Variants in IL5RA observed in about 807,000 individuals in gnomAD.
The protein encoded by IL5RA is interleukin 5 receptor subunit alpha.
In IL5RA, 49 loss-of-function variants were observed where a neutral mutation model predicts 50.0. The observed-to-expected ratio is 0.98, with a 90% confidence interval of 0.78 to 1.24. IL5RA has a LOEUF of 1.24. IL5RA is among the 50% of genes most tolerant of loss of function. The pLI, the probability that IL5RA is intolerant of heterozygous loss-of-function variation, is 0.00. For missense variants in IL5RA, 600 were observed against 500.4 expected (o/e 1.20, Z -1.90); for synonymous variants, 202 against 174.0 (o/e 1.16, Z -1.26).
intron 7 of IL5RA, among the ~76,000 whole-genome samples, chr3:3,096,613 G>A (rs1179170564): frequency 6.6e-6 from 1 of 152,108 alleles, no homozygotes; most frequent in Admixed American, 6.5e-5. Flanking sequence ...ATGAATTCCT[G>A]TGGTCTGTAC....
At chr3:3,076,749 G>C in intron 9 of IL5RA, 122 bp from the exon 10 acceptor site, 1 of 583,918 alleles carries the variant, frequency 1.7e-6, no homozygotes, top group Non-Finnish European at 3.1e-6. Context: ...GCTGGGTGGT[G>C]TTGGGCAAGT....
chr3:3,074,228 T>C (rs1471636156), intron 11 of IL5RA, among the ~76,000 whole-genome samples: 3 of 152,236 alleles, frequency 2.0e-5, no homozygotes, highest in Non-Finnish European at 4.4e-5. Context: ...GAAAATTCTC[T>C]ATTAACTAAG....
rs1056737670 is a variant in IL5RA, at chr3:3,106,146, G to C, written c.-3-1159C>G. Among the ~76,000 whole-genome samples the C allele has an allele frequency of 3.3e-5, 5 of 152,152 alleles. No individual in the cohort carries two copies. In the East Asian group the frequency reaches 5.8e-4, roughly 18 times the overall value. ...AACAGCTGTTAAGTAATGGAGCCTA[G>C]ACCCAATCTCTGATCTTCCAATGGC... On this transcript the variant is annotated intron_variant, in intron 2 of 11. Coordinates refer to ENST00000446632, the MANE Select transcript of IL5RA (RefSeq NM_175726.4).
intron 8 of IL5RA, among the ~76,000 whole-genome samples, chr3:3,093,691 CTG>C (rs757257471): frequency 5.8e-4 from 89 of 152,338 alleles, no homozygotes; most frequent in Non-Finnish European, 1.1e-3. Flanking sequence ...AGAGCAGGCT[CTG>C]TGCCCACACC....
chr3:3,100,899 C>A (rs1304994090), intron 5 of IL5RA, among the ~76,000 whole-genome samples: 1 of 151,792 alleles, frequency 6.6e-6, no homozygotes, highest in African/African-American at 2.4e-5. Context: ...GTAACCCCAG[C>A]ACTTTGGGAG....
chr3:3,101,013 T>TAATAAC (rs1343602548), intron 5 of IL5RA, among the ~76,000 whole-genome samples: 22 of 125,338 alleles, frequency 1.8e-4, no homozygotes, highest in African/African-American at 6.1e-4. Context: ...ATAATAATAA[T>TAATAAC]AATAATAATA....
intron 11 of IL5RA, chr3:3,073,805 T>G (rs754123543): frequency 6.6e-5 from 30 of 451,888 alleles, no homozygotes; most frequent in South Asian, 4.6e-4. Flanking sequence ...GAATCTAAGA[T>G]GTATATGAAA....
chr3:3,093,115 G>C (rs984114830), intron 8 of IL5RA, among the ~76,000 whole-genome samples: 18 of 152,036 alleles, frequency 1.2e-4, no homozygotes, highest in Admixed American at 1.0e-3. Context: ...CAGAGTCATG[G>C]TTTTTAAAAA....
chr3:3,093,150 CA>C (rs1317728611), intron 8 of IL5RA, among the ~76,000 whole-genome samples: 2 of 152,106 alleles, frequency 1.3e-5, no homozygotes, highest in African/African-American at 4.8e-5. Flanking sequence ...TATTTTTTAG[CA>C]AAATCTTATA....
intron 1 of IL5RA, among the ~76,000 whole-genome samples, 184 bp from the exon 2 acceptor site, chr3:3,108,875 T>A (rs1052716759): frequency 6.6e-6 from 1 of 152,236 alleles, no homozygotes; most frequent in Non-Finnish European, 1.5e-5. Context: ...ACAAATGAGG[T>A]GATTTAACTT....
intron 7 of IL5RA, among the ~76,000 whole-genome samples, chr3:3,096,949 A>C (rs994882228): frequency 5.9e-5 from 9 of 152,200 alleles, no homozygotes; most frequent in Admixed American, 1.3e-4. Context: ...ATTCCTCTCC[A>C]TTGTTTCAGA....
rs1702206581 is a variant in IL5RA, at chr3:3,068,781, T to G, written c.*1444A>C. ...TGGGGTCACTTTTACCTGAGCCTGG[T>G]ATTCAACTCCTCACTATGCCATTTC... On this transcript the variant is annotated 3_prime_UTR_variant, in exon 12 of 12. Coordinates refer to ENST00000446632, the MANE Select transcript of IL5RA (RefSeq NM_175726.4). The G allele has an allele frequency of 6.6e-6, 1 of 152,114 alleles. No individual in the cohort carries two copies. Among genetic ancestry groups the G allele is most frequent in the Non-Finnish European group, 1.5e-5 (1 of 68,084 alleles). 9.4% of individuals were successfully genotyped at this position (152,114 alleles called of 1,614,324 possible).
At position 3,095,279 on chromosome 3, in the gene IL5RA, G is replaced by A. The variant is rs1703304488; in HGVS notation, c.855+20C>T. 3 of 1,535,520 alleles carry A rather than the reference G, an allele frequency of 2.0e-6. No individual in the cohort carries two copies. Among genetic ancestry groups the A allele is most frequent in the Non-Finnish European group, 2.7e-6 (3 of 1,122,774 alleles). ...AAACAAATGTCTGTTATCAAATATT[G>A]GAATAATCTGAGTAATTACCTGCAA... On this transcript the variant is annotated intron_variant, in intron 8 of 11. Transcript: ENST00000446632.
At chr3:3,102,969 CG>C in intron 3 of IL5RA, 149 bp from the exon 4 acceptor site, 1 of 551,094 alleles carries the variant, frequency 1.8e-6, no homozygotes, top group Non-Finnish European at 3.1e-6. Context: ...CCTGTAACAC[CG>C]GGGCAAAGAG....
At chr3:3,070,443 A>G (rs1702260573) in intron 11 of IL5RA, 132 bp from the exon 12 acceptor site, 1 of 620,276 alleles carries the variant, frequency 1.6e-6, no homozygotes. Context: ...GATGTGAAAA[A>G]TAAAGTGGGA....
intron 5 of IL5RA, among the ~76,000 whole-genome samples, chr3:3,098,905 G>A (rs758781471): frequency 9.9e-5 from 15 of 152,102 alleles, no homozygotes; most frequent in Admixed American, 2.0e-4. Flanking sequence ...GTTGATGTCC[G>A]GCAACTTTGG....
chr3:3,073,928 A>G (rs1702386674), intron 11 of IL5RA: 1 of 318,178 alleles, frequency 3.1e-6, no homozygotes, highest in Non-Finnish European at 6.1e-6. Flanking sequence ...ACAGTATTGT[A>G]TTGGCATAAA....
In IL5RA at chr3:3,067,838, C is replaced by G. The variant is rs1302861533; in HGVS notation, c.*2387G>C. ...ATGGCTGCTGAGTGGAGGGAGGAGT[C>G]TGAAGTGGGCACCACACCAAGCACT... On this transcript the variant is annotated 3_prime_UTR_variant, in exon 12 of 12. Transcript: ENST00000446632. The G allele has an allele frequency of 2.0e-5, 3 of 152,306 alleles. No individual in the cohort carries two copies. Among genetic ancestry groups the G allele is most frequent in the Admixed American group, 6.5e-5 (1 of 15,286 alleles). 9.4% of individuals were successfully genotyped at this position (152,306 alleles called of 1,614,324 possible).
chr3:3,068,609 CA>C lies in IL5RA; in HGVS notation c.*1615del, dbSNP rs1297513765. 1.8e-5 allele frequency: 1 copy of C among 55,428 alleles called. No homozygotes were observed. Among genetic ancestry groups the C allele is most frequent in the African/African-American group, 5.2e-5 (1 of 19,318 alleles). 3.4% of individuals were successfully genotyped at this position (55,428 alleles called of 1,614,324 possible). A position where few individuals can be genotyped will look rare whatever the true frequency, so the allele number is the denominator to read the frequency against. On this transcript the variant is annotated 3_prime_UTR_variant, in exon 12 of 12. Coordinates refer to ENST00000446632, the MANE Select transcript of IL5RA (RefSeq NM_175726.4). ...CCACAAAAAAAAAAAAAAAAAAAAA[CA>C]AAAACAGGTTTGAGATTATGAATCA...
Sources: allele counts gnomAD v4.1 joint callset (sites outside exome capture counted in the v4.1 genomes callset), GRCh38; gene constraint gnomAD v4.1.1; transcripts MANE v1.5; gene names NCBI Gene and HGNC (gene_info 2026-07-23, HGNC 2026-07-21).